BPTF: variants seen among roughly 807,000 people sequenced by gnomAD.
The protein encoded by BPTF is bromodomain PHD finger transcription factor.
A neutral mutation model predicts 292.5 loss-of-function variants in BPTF; 18 were observed. That is an observed-to-expected ratio of 0.06 (90% CI 0.04 to 0.09). BPTF has a LOEUF of 0.09. Among genes scored for constraint, BPTF ranks in the 10% least tolerant of loss-of-function variants. The pLI, the probability that BPTF is intolerant of heterozygous loss-of-function variation, is 1.00. For synonymous variants in BPTF, 1,225 were observed against 1,251.9 expected (o/e 0.98, Z 0.45); for missense variants, 2,726 against 3,498.7 (o/e 0.78, Z 5.57).
intron 25 of BPTF, 137 bp from the exon 26 acceptor site, chr17:67,966,435 A>G (rs2068105420): frequency 1.4e-6 from 1 of 709,854 alleles, no homozygotes; most frequent in Non-Finnish European, 2.4e-6. Context: ...ACTAGAGCAG[A>G]AATCACTTAA....
chr17:67,968,064 G>A (rs2068326682), intron 26 of BPTF, among the ~76,000 whole-genome samples: 2 of 151,146 alleles, frequency 1.3e-5, no homozygotes, highest in African/African-American at 4.9e-5. Flanking sequence ...TAGGAGCCAC[G>A]AGTAATCGTA....
intron 4 of BPTF, 45 bp downstream of exon 4, chr17:67,875,065 T>TAACAC: frequency 6.7e-7 from 1 of 1,502,546 alleles, no homozygotes; most frequent in Non-Finnish European, 9.1e-7. Flanking sequence ...ATTAGTGTTA[T>TAACAC]TTATGAAATC....
intron 2 of BPTF, among the ~76,000 whole-genome samples, chr17:67,861,999 C>T (rs1157110932): frequency 6.6e-6 from 1 of 152,090 alleles, no homozygotes; most frequent in African/African-American, 2.4e-5. Context: ...TTTTTTGATA[C>T]AAGTCTCACT....
chr17:67,862,464 G>A (rs1456736126), intron 2 of BPTF, among the ~76,000 whole-genome samples: 1 of 152,130 alleles, frequency 6.6e-6, no homozygotes, highest in African/African-American at 2.4e-5. Context: ...GAGAGACTGA[G>A]GCATAGAGAG....
chr17:67,911,182 A>G lies in BPTF; in HGVS notation c.3298A>G (p.Lys1100Glu), dbSNP rs149482106. 5.1e-4 allele frequency: 815 copies of G among 1,613,756 alleles called. No individual in the cohort carries two copies. The highest frequency in any genetic ancestry group is 6.2e-4 in the Non-Finnish European group (727 of 1,179,946). ...GIGKTSTNSS[K>E]NLSESPVITK... ...AGGAAAGACTTCTACAAATTCTTCA[A>G]AAAATCTCTCTGAATCACCAGTAAT... The change falls in exon 11 of 28, where the codon AAA (lysine) becomes GAA (glutamate). Residue 1100 changes from lysine to glutamate, a missense_variant. By Grantham distance (56) the Lys-to-Glu change is moderately conservative (BLOSUM62 1). Coordinates refer to ENST00000306378, the MANE Select transcript of BPTF (RefSeq NM_182641.4).
At chr17:67,852,002 T>TC (rs1555617833) in intron 1 of BPTF, among the ~76,000 whole-genome samples, 4 of 151,660 alleles carry the variant, frequency 2.6e-5, no homozygotes, top group Non-Finnish European at 5.9e-5. Context: ...ATAATGAGTG[T>TC]AATGCTCAGT....
At chr17:67,828,003 C>T (rs970357712) in intron 1 of BPTF, among the ~76,000 whole-genome samples, 5 of 148,406 alleles carry the variant, frequency 3.4e-5, no homozygotes, top group African/African-American at 1.3e-4. Context: ...CTGATCTCGG[C>T]TCACTGCAAC....
chr17:67,826,109 C>T lies in BPTF; in HGVS notation c.385C>T (p.His129Tyr), dbSNP rs1287621342. 4 of 1,410,536 alleles carry T rather than the reference C, an allele frequency of 2.8e-6. No homozygotes were observed. The highest frequency in any genetic ancestry group is 1.2e-5 in the South Asian group (1 of 84,174). 87.4% of individuals were successfully genotyped at this position (1,410,536 alleles called of 1,614,324 possible). The stretch of plus-strand genomic sequence containing the variant: ...CGTCAACAAAGTGGTGTACGATGAC[C>T]ACGAGAGCGAGGAGGAGGAGGAAGA... ...RAVNKVVYDD[H>Y]ESEEEEEEED... Residue 129 changes from histidine (H) to tyrosine (Y), a missense_variant, in exon 1 of 28, where the codon CAC becomes TAC. His to Tyr is a moderately conservative substitution (Grantham distance 83). Transcript: ENST00000306378.
rs782765438 is a variant in BPTF, at chr17:67,984,092, AAT to A, written c.*1805_*1806del. On this transcript the variant is annotated 3_prime_UTR_variant, in exon 28 of 28. Coordinates refer to ENST00000306378, the MANE Select transcript of BPTF (RefSeq NM_182641.4). ...ATTTTGTCCTTTTACTTTTTTAAAA[AAT>A]GTTACATATTGTATGCACTGTGCTG... 2.0e-5 allele frequency: 3 copies of A among 152,640 alleles called. No individual in the cohort carries two copies. The highest frequency in any genetic ancestry group is 6.5e-5 in the Admixed American group (1 of 15,272). 9.5% of individuals were successfully genotyped at this position (152,640 alleles called of 1,614,324 possible). A position where few individuals can be genotyped will look rare whatever the true frequency, so the allele number is the denominator to read the frequency against.
At chr17:67,973,267 C>T (rs2069000258) in intron 26 of BPTF, among the ~76,000 whole-genome samples, 1 of 149,908 alleles carries the variant, frequency 6.7e-6, no homozygotes, top group Admixed American at 6.7e-5. Flanking sequence ...CTAGCTACTC[C>T]AGAGGCTGAG....
chr17:67,919,065 G>T (rs921665658), intron 12 of BPTF, among the ~76,000 whole-genome samples: 5 of 151,346 alleles, frequency 3.3e-5, no homozygotes, highest in African/African-American at 1.2e-4. Context: ...CCAGCTACTC[G>T]GGAGGCTGAG....
chr17:67,945,027 A>C (rs1391603526), intron 20 of BPTF, among the ~76,000 whole-genome samples: 1 of 151,938 alleles, frequency 6.6e-6, no homozygotes, highest in Non-Finnish European at 1.5e-5. Context: ...CAAAATTCTC[A>C]ACTTTATTTA....
At chr17:67,848,005 G>T (rs1187341382) in intron 1 of BPTF, among the ~76,000 whole-genome samples, 1 of 152,108 alleles carries the variant, frequency 6.6e-6, no homozygotes, top group Non-Finnish European at 1.5e-5. Flanking sequence ...ATTAACTTCG[G>T]CTGGAAATGA....
intron 14 of BPTF, 138 bp downstream of exon 14, chr17:67,923,128 T>C: frequency 1.0e-6 from 1 of 992,622 alleles, no homozygotes; most frequent in Non-Finnish European, 1.4e-6. Flanking sequence ...CAATCTTGGC[T>C]CACTGCAACC....
chr17:67,895,537 C>T lies in BPTF; in HGVS notation c.2543+1372C>T, dbSNP rs139228790. ...AGTACAGTGGCGCCATCACAGCTCA[C>T]TGCAGCCTTGACCTCCCTGGGCTAA... On this transcript the variant is annotated intron_variant, in intron 7 of 27. Transcript: ENST00000306378. 3.9e-4 allele frequency among the ~76,000 whole-genome samples: 59 copies of T among 150,228 alleles called. 1 individual carries two copies. The East Asian group carries it at 0.011, about 28-fold the overall frequency.
chr17:67,871,061 G>T (rs375884837), intron 3 of BPTF, among the ~76,000 whole-genome samples: 159 of 152,036 alleles, frequency 1.0e-3, no homozygotes, highest in African/African-American at 3.5e-3. Context: ...GTGAGCCACC[G>T]CGCCCGGCCG....
At chr17:67,874,240 A>G (rs2059925594) in intron 3 of BPTF, among the ~76,000 whole-genome samples, 1 of 152,156 alleles carries the variant, frequency 6.6e-6, no homozygotes, top group African/African-American at 2.4e-5. Context: ...ACTCTGTCTA[A>G]GTTGAAAGAG....
chr17:67,849,922 C>G (rs1598227413), intron 1 of BPTF, among the ~76,000 whole-genome samples: 1 of 151,942 alleles, frequency 6.6e-6, no homozygotes, highest in South Asian at 2.1e-4. Context: ...GCCTGGGCAA[C>G]AGAGCAAGAC....
intron 12 of BPTF, among the ~76,000 whole-genome samples, 155 bp from the exon 13 acceptor site, chr17:67,919,860 A>AT (rs755353126): frequency 4.3e-4 from 66 of 152,352 alleles, no homozygotes; most frequent in Non-Finnish European, 7.1e-4. Context: ...GCAGTCTAGC[A>AT]GTGATCCTGC....
Sources: gnomAD v4.1 joint callset for allele counts (sites outside exome capture counted in the v4.1 genomes callset) on GRCh38, gnomAD v4.1.1 for gene constraint, MANE v1.5 for transcripts, NCBI Gene and HGNC (gene_info 2026-07-23, HGNC 2026-07-21) for gene names.